DNAJC3: variants seen among roughly 807,000 people sequenced by gnomAD.
DNAJC3 encodes the protein dnaJ homolog subfamily C member 3.
A neutral mutation model predicts 68.6 loss-of-function variants in DNAJC3; 38 were observed. The observed-to-expected ratio is 0.55, with a 90% confidence interval of 0.43 to 0.73. The LOEUF (loss-of-function observed/expected upper bound fraction) is 0.73, where lower values mean the gene tolerates loss of function less well. DNAJC3 is among the 30% of genes least tolerant of loss of function. The probability of loss-of-function intolerance (pLI) is 0.00; values close to 1 mark genes in which losing one functional copy is unlikely to be tolerated. For missense variants in DNAJC3, 526 were observed against 591.9 expected, an observed-to-expected ratio of 0.89 and a Z score of 1.16; for synonymous variants, 203 against 204.0, an observed-to-expected ratio of 1.00 and a Z score of 0.04.
intron 2 of DNAJC3, among the ~76,000 whole-genome samples, chr13:95,721,176 T>C (rs891482096): frequency 2.6e-5 from 4 of 152,220 alleles, no homozygotes; most frequent in African/African-American, 9.6e-5. Context: ...TTTGTGTCTT[T>C]GCTTATTTCA....
chr13:95,784,846 T>G (rs1883551310), intron 9 of DNAJC3, among the ~76,000 whole-genome samples: 1 of 152,054 alleles, frequency 6.6e-6, no homozygotes, highest in Admixed American at 6.6e-5. Context: ...TGGTGGTGCG[T>G]GCCTGTAGTC....
chr13:95,693,504 G>A (rs1188001849), intron 1 of DNAJC3: 1 of 152,114 alleles, frequency 6.6e-6, no homozygotes, highest in Non-Finnish European at 1.5e-5. Flanking sequence ...ATAATAGGCA[G>A]TATCTTCACT....
At chr13:95,781,784 G>T (rs1169621712) in intron 9 of DNAJC3, among the ~76,000 whole-genome samples, 1 of 151,646 alleles carries the variant, frequency 6.6e-6, no homozygotes, top group Non-Finnish European at 1.5e-5. Flanking sequence ...AGTAATGGTG[G>T]GATAAACATT....
Position 95,783,358 on chromosome 13 carries a change from T to A in DNAJC3, c.1076-2581T>A, listed in dbSNP as rs151059622. Among the ~76,000 whole-genome samples the A allele has an allele frequency of 3.3e-3, 497 of 152,346 alleles. 4 individuals carry two copies. Among genetic ancestry groups the A allele is most frequent in the African/African-American group, 0.011 (446 of 41,582 alleles). The stretch of plus-strand genomic sequence containing the variant: ...GATACAAAAGACTGCTTTGGGGAGA[T>A]AACTCTGAAATGTAAGAATGAAAAC... On this transcript the variant is annotated intron_variant, in intron 9 of 11. Transcript: ENST00000602402.
chr13:95,722,998 A>G (rs1012989014), intron 2 of DNAJC3, among the ~76,000 whole-genome samples: 1 of 151,912 alleles, frequency 6.6e-6, no homozygotes, highest in African/African-American at 2.4e-5. Context: ...AAGAAATGTA[A>G]AAAACATTCT....
rs1882798948 is a variant in DNAJC3, at chr13:95,760,807, A to G, written c.848+9A>G. 3 of 1,609,072 alleles carry G rather than the reference A, an allele frequency of 1.9e-6. No individual in the cohort carries two copies. Among genetic ancestry groups the G allele is most frequent in the African/African-American group, 1.3e-5 (1 of 74,786 alleles). The stretch of plus-strand genomic sequence containing the variant: ...CTCATCAGAGATGGCAGGTGAGAAT[A>G]TGGTTGTTCCAACTGTCCAGCCATT... On this transcript the variant is annotated intron_variant, in intron 7 of 11. Coordinates refer to ENST00000602402, the MANE Select transcript of DNAJC3 (RefSeq NM_006260.5).
intron 5 of DNAJC3, 75 bp downstream of exon 5, chr13:95,757,871 C>T: frequency 7.2e-7 from 1 of 1,396,282 alleles, no homozygotes; most frequent in Non-Finnish European, 9.5e-7. Flanking sequence ...CGACATGTCA[C>T]ATACCACAAA....
chr13:95,696,240 G>C (rs549476315), intron 1 of DNAJC3, among the ~76,000 whole-genome samples: 1 of 152,140 alleles, frequency 6.6e-6, no homozygotes, highest in African/African-American at 2.4e-5. Flanking sequence ...CGCCAACATG[G>C]ATATCCCCTA....
chr13:95,718,180 T>A (rs559604101), intron 2 of DNAJC3, among the ~76,000 whole-genome samples: 1 of 152,366 alleles, frequency 6.6e-6, no homozygotes, highest in African/African-American at 2.4e-5. Context: ...ATTTACATAA[T>A]GAACAATATT....
At chr13:95,678,092 G>A (rs938309834) in intron 1 of DNAJC3, among the ~76,000 whole-genome samples, 5 of 152,218 alleles carry the variant, frequency 3.3e-5, no homozygotes, top group African/African-American at 1.2e-4. Flanking sequence ...GGCTACTCCA[G>A]AATAGCGAAA....
rs1457573922 is a variant in DNAJC3, at chr13:95,794,824, T to C, written c.*3794T>C. Reference sequence around the variant, plus strand: ...TCTTGCTGTGAGGTTTTAGTTTGTTTTGAATGAGAAAAGACTAAGTAACTT... The same window carrying C: ...TCTTGCTGTGAGGTTTTAGTTTGTTCTGAATGAGAAAAGACTAAGTAACTT... On this transcript the variant is annotated 3_prime_UTR_variant, in exon 12 of 12. Coordinates refer to ENST00000602402, the MANE Select transcript of DNAJC3 (RefSeq NM_006260.5). The C allele has an allele frequency of 6.6e-6, 1 of 152,230 alleles. No homozygotes were observed. The highest frequency in any genetic ancestry group is 2.4e-5 in the African/African-American group (1 of 41,462). 9.4% of individuals were successfully genotyped at this position (152,230 alleles called of 1,614,324 possible).
chr13:95,766,140 C>T (rs527745812), intron 9 of DNAJC3, among the ~76,000 whole-genome samples: 4 of 152,246 alleles, frequency 2.6e-5, no homozygotes, highest in African/African-American at 9.6e-5. Context: ...TTTCCATATT[C>T]TTCTGCTTCC....
intron 9 of DNAJC3, among the ~76,000 whole-genome samples, chr13:95,780,916 T>G (rs1300567211): frequency 2.0e-5 from 3 of 152,186 alleles, no homozygotes; most frequent in Non-Finnish European, 2.9e-5. Context: ...AAAGCTGATT[T>G]GGAACTTGCT....
chr13:95,693,620 CA>C (rs1376077117), intron 1 of DNAJC3: 2 of 103,406 alleles, frequency 1.9e-5, no homozygotes, highest in African/African-American at 8.9e-5. Flanking sequence ...ATTTTGCTAG[CA>C]ATGGAGCTCA....
chr13:95,723,473 C>A (rs1881410606), intron 3 of DNAJC3, 107 bp downstream of exon 3: 1 of 1,274,338 alleles, frequency 7.8e-7, no homozygotes, highest in Non-Finnish European at 1.1e-6. Flanking sequence ...TGGAAGAGAT[C>A]AAAGCTACAG....
At chr13:95,767,479 G>A (rs1883023019) in intron 9 of DNAJC3, among the ~76,000 whole-genome samples, 1 of 152,112 alleles carries the variant, frequency 6.6e-6, no homozygotes, top group Non-Finnish European at 1.5e-5. Context: ...GTGTAGCCAT[G>A]GATATGGGTG....
At chr13:95,759,999 A>G (rs1328726835) in intron 5 of DNAJC3, 41 bp from the exon 6 acceptor site, 2 of 1,508,852 alleles carry the variant, frequency 1.3e-6, no homozygotes, top group South Asian at 1.4e-5. Context: ...GAATGTGCAT[A>G]ATTTATTCTT....
intron 1 of DNAJC3, among the ~76,000 whole-genome samples, chr13:95,700,689 G>T (rs949695212): frequency 6.6e-6 from 1 of 152,194 alleles, no homozygotes; most frequent in Non-Finnish European, 1.5e-5. Flanking sequence ...TGCTCAGTAA[G>T]TTGCTTTGGG....
At chr13:95,759,309 C>A (rs1882753514) in intron 5 of DNAJC3, among the ~76,000 whole-genome samples, 1 of 152,028 alleles carries the variant, frequency 6.6e-6, no homozygotes, top group Non-Finnish European at 1.5e-5. Context: ...AAGATAATTT[C>A]TTAAAAAAGG....
Sources: gnomAD v4.1 joint callset for allele counts (sites outside exome capture counted in the v4.1 genomes callset) on GRCh38, gnomAD v4.1.1 for gene constraint, MANE v1.5 for transcripts, NCBI Gene and HGNC (gene_info 2026-07-23, HGNC 2026-07-21) for gene names.